RARB: variants seen among roughly 807,000 people sequenced by gnomAD.
RARB encodes the protein HBV-activated protein.
RARB carries 17 observed loss-of-function variants against 51.9 expected under a neutral mutation model. The ratio of observed to expected loss-of-function variants is 0.33; its 90% CI spans 0.22 to 0.49. The LOEUF is 0.49. RARB is among the 20% of genes least tolerant of loss of function. The probability of loss-of-function intolerance (pLI) is 0.99; values close to 1 mark genes in which losing one functional copy is unlikely to be tolerated. For missense variants in RARB, 369 were observed against 550.8 expected (o/e 0.67, Z 3.30); for synonymous variants, 215 against 195.4 (o/e 1.10, Z -0.84).
chr3:24,893,129 A>C (rs375214338), intron 2 of RARB, among the ~76,000 whole-genome samples: 1 of 152,234 alleles, frequency 6.6e-6, no homozygotes, highest in African/African-American at 2.4e-5. Context: ...ATGGTGGGAC[A>C]CCTGCTAATT....
chr3:25,197,844 A>G (rs954483917), intron 5 of RARB, among the ~76,000 whole-genome samples: 20 of 152,050 alleles, frequency 1.3e-4, no homozygotes, highest in African/African-American at 4.8e-4. Context: ...TACTGTTAAA[A>G]TCTTCATACT....
chr3:25,171,175 C>G (rs80164536), intron 4 of RARB, among the ~76,000 whole-genome samples: 3,220 of 152,116 alleles, frequency 0.021, 94 homozygotes, highest in African/African-American at 0.073. Flanking sequence ...GACCTTCTAA[C>G]CCAGTCCCTA....
chr3:25,214,448 A>G (rs996116656), intron 5 of RARB, among the ~76,000 whole-genome samples: 2 of 152,246 alleles, frequency 1.3e-5, no homozygotes, highest in Non-Finnish European at 2.9e-5. Flanking sequence ...AGGTGGGTTC[A>G]GTAGCTTTTA....
chr3:25,550,592 G>T (rs183746801), intron 3 of RARB, among the ~76,000 whole-genome samples: 1 of 152,030 alleles, frequency 6.6e-6, no homozygotes, highest in Non-Finnish European at 1.5e-5. Flanking sequence ...CCATCACATC[G>T]GGGATTAGGT....
intron 5 of RARB, among the ~76,000 whole-genome samples, chr3:25,296,894 A>G (rs1270650727): frequency 6.6e-6 from 1 of 152,162 alleles, no homozygotes; most frequent in African/African-American, 2.4e-5. Flanking sequence ...CCTGGACAAG[A>G]TATTTTGCAG....
At chr3:25,039,675 T>C (rs1215405128) in intron 2 of RARB, among the ~76,000 whole-genome samples, 1 of 152,334 alleles carries the variant, frequency 6.6e-6, no homozygotes, top group Non-Finnish European at 1.5e-5. Context: ...AAGAAGCTTT[T>C]TTCTTTGCCT....
chr3:24,991,771 T>C (rs552525634), intron 2 of RARB, among the ~76,000 whole-genome samples: 5 of 152,048 alleles, frequency 3.3e-5, no homozygotes, highest in Admixed American at 2.6e-4. Context: ...GTTTTTTTTT[T>C]TTCCCTCCCT....
chr3:25,370,830 C>CA (rs1357828209), intron 5 of RARB, among the ~76,000 whole-genome samples: 1 of 152,118 alleles, frequency 6.6e-6, no homozygotes, highest in Non-Finnish European at 1.5e-5. Flanking sequence ...ATCTGGGAGC[C>CA]AAAAAACCTA....
chr3:25,428,363 G>A lies in RARB; in HGVS notation c.-369G>A. On this transcript the variant is annotated 5_prime_UTR_variant, in exon 1 of 8. Transcript: ENST00000330688. ...CCCCATGCGAGCTGTTTGAGGACTG[G>A]GATGCCGAGAACGCGAGCGATCCGA... 8.0e-7 allele frequency: 1 copy of A among 1,249,178 alleles called. No homozygotes were observed. Among genetic ancestry groups the A allele is most frequent in the Non-Finnish European group, 1.0e-6 (1 of 998,192 alleles). The allele number at this position is 1,249,178 out of a possible 1,614,324, so 77.4% of individuals were successfully genotyped here. A position where few individuals can be genotyped will look rare whatever the true frequency, so the allele number is the denominator to read the frequency against.
In RARB at chr3:25,364,027, A is replaced by T. The variant is rs192468758; in HGVS notation, c.179-97166A>T. On this transcript the variant is annotated intron_variant, in intron 5 of 11. Coordinates refer to the RARB transcript ENST00000383772. Reference sequence around the variant, plus strand: ...TTCTATCCTGACCATTCTCTTTCAAATTTCAATGCCCTCTCCTAGCATTTC... The same window carrying T: ...TTCTATCCTGACCATTCTCTTTCAATTTTCAATGCCCTCTCCTAGCATTTC... 6.9e-3 allele frequency among the ~76,000 whole-genome samples: 1,046 copies of T among 152,138 alleles called. 13 individuals carry two copies. The highest frequency in any genetic ancestry group is 0.024 in the African/African-American group (996 of 41,506).
chr3:25,454,394 C>T (rs527286690), intron 1 of RARB, among the ~76,000 whole-genome samples: 2 of 152,374 alleles, frequency 1.3e-5, no homozygotes, highest in East Asian at 1.9e-4. Flanking sequence ...CGCAACTTTG[C>T]TCTTCTTCCT....
Position 25,435,589 on chromosome 3 carries a change from G to A in RARB, c.157+6701G>A, listed in dbSNP as rs1042919847. Reference sequence around the variant, plus strand: ...ATGGAGGCAGCGAAATTCAGTTCCTGATGTTTTAATTTAGCTCAGTACTGC... The same window carrying A: ...ATGGAGGCAGCGAAATTCAGTTCCTAATGTTTTAATTTAGCTCAGTACTGC... On this transcript the variant is annotated intron_variant, in intron 1 of 7. Transcript: ENST00000330688. Among the ~76,000 whole-genome samples, 2 of 152,156 alleles carry A rather than the reference G, an allele frequency of 1.3e-5. 1 individual carries two copies. The highest frequency in any genetic ancestry group is 1.3e-4 in the Admixed American group (2 of 15,278).
intron 3 of RARB, among the ~76,000 whole-genome samples, chr3:25,105,498 C>T (rs1315937811): frequency 1.3e-5 from 2 of 150,758 alleles, no homozygotes; most frequent in African/African-American, 4.9e-5. Context: ...TATGACTGCA[C>T]TGCTTCTGAT....
intron 1 of RARB, among the ~76,000 whole-genome samples, 176 bp downstream of exon 1, chr3:25,429,064 G>T (rs1231746567): frequency 1.3e-5 from 2 of 152,136 alleles, no homozygotes; most frequent in Non-Finnish European, 2.9e-5. Context: ...AAAATTTCCT[G>T]TTAGATGTTT....
intron 2 of RARB, among the ~76,000 whole-genome samples, chr3:24,875,768 C>G (rs1703031708): frequency 6.6e-6 from 1 of 152,156 alleles, no homozygotes; most frequent in African/African-American, 2.4e-5. Context: ...AACTAAATTA[C>G]AGACCTTATT....
intron 5 of RARB, among the ~76,000 whole-genome samples, chr3:25,394,144 C>G (rs1707048560): frequency 2.6e-5 from 4 of 151,984 alleles, no homozygotes; most frequent in Non-Finnish European, 5.9e-5. Flanking sequence ...CATCTTGATT[C>G]CATTGTTGAC....
chr3:24,893,201 G>A (rs1260860568), intron 2 of RARB, among the ~76,000 whole-genome samples: 2 of 152,176 alleles, frequency 1.3e-5, no homozygotes, highest in East Asian at 3.9e-4. Context: ...AACCATGTTG[G>A]GAGATTGTGT....
chr3:25,373,429 G>A (rs988647088), intron 5 of RARB, among the ~76,000 whole-genome samples: 1 of 152,096 alleles, frequency 6.6e-6, no homozygotes, highest in Non-Finnish European at 1.5e-5. Flanking sequence ...ACATGAGAAT[G>A]CACGTGCAGA....
intron 2 of RARB, among the ~76,000 whole-genome samples, chr3:24,950,155 T>A (rs1325147381): frequency 6.6e-6 from 1 of 152,246 alleles, no homozygotes. Context: ...TTTAGGTATT[T>A]CATTTTCATT....
Sources: allele counts gnomAD v4.1 joint callset (sites outside exome capture counted in the v4.1 genomes callset), GRCh38; gene constraint gnomAD v4.1.1; transcripts MANE v1.5; gene names NCBI Gene and HGNC (gene_info 2026-07-23, HGNC 2026-07-21).